The following SULF2 variants were observed in gnomAD, a reference collection of about 807,000 sequenced individuals.
SULF2 encodes sulfatase 2.
SULF2 carries 52 observed loss-of-function variants against 107.7 expected under a neutral mutation model. The observed-to-expected ratio is 0.48, with a 90% CI of 0.39 to 0.61. SULF2 has a LOEUF of 0.61. Ranked by LOEUF, SULF2 falls within the 20% of genes least tolerant of loss-of-function variation. The pLI, the probability that SULF2 is intolerant of heterozygous loss-of-function variation, is 0.00. For synonymous variants in SULF2, 460 were observed against 464.3 expected (o/e 0.99, Z 0.12); for missense variants, 993 against 1,177.3 (o/e 0.84, Z 2.29).
Position 47,735,879 on chromosome 20 carries a change from C to T in SULF2, c.415+824G>A, listed in dbSNP as rs117782688. On this transcript the variant is annotated intron_variant, in intron 3 of 20. Transcript: ENST00000688720. Reference sequence around the variant, plus strand: ...GGAGGAGGAGTCCATCCTTCCCTTGCGGCACTCCCACCCAAACAAACCCCT... The same window carrying T: ...GGAGGAGGAGTCCATCCTTCCCTTGTGGCACTCCCACCCAAACAAACCCCT... Among the ~76,000 whole-genome samples, 722 of 152,260 alleles carry T rather than the reference C, an allele frequency of 4.7e-3. 15 individuals carry two copies. The East Asian group carries it at 0.063, about 13-fold the overall frequency.
intron 3 of SULF2, among the ~76,000 whole-genome samples, chr20:47,704,722 C>T (rs1422433849): frequency 2.6e-5 from 4 of 152,190 alleles, no homozygotes; most frequent in Admixed American, 2.6e-4. Flanking sequence ...TTGCTGAGAG[C>T]ACAGAATATG....
At chr20:47,659,828 T>A in intron 18 of SULF2, 98 bp from the exon 19 acceptor site, 1 of 877,470 alleles carries the variant, frequency 1.1e-6, no homozygotes, top group Admixed American at 2.1e-5. Context: ...TTTGTCACAA[T>A]CCCATGATGC....
At chr20:47,756,866 G>A (rs532619043) in intron 2 of SULF2, among the ~76,000 whole-genome samples, 5 of 152,020 alleles carry the variant, frequency 3.3e-5, no homozygotes, top group African/African-American at 4.8e-5. Flanking sequence ...GGCTGGTCTC[G>A]AACCCCTGAC....
intron 3 of SULF2, among the ~76,000 whole-genome samples, chr20:47,721,141 C>T (rs1382586896): frequency 2.5e-5 from 1 of 40,484 alleles, no homozygotes; most frequent in Non-Finnish European, 7.0e-5. Flanking sequence ...AGTTCTTCTG[C>T]TTTTGAAAAA....
chr20:47,669,394 G>A (rs528490514), intron 11 of SULF2, among the ~76,000 whole-genome samples: 43 of 152,274 alleles, frequency 2.8e-4, no homozygotes, highest in African/African-American at 9.6e-4. Context: ...GGTGGGGGCC[G>A]TCCTGTGCGT....
rs761256280 is a variant in SULF2 at position 47,683,159 on chromosome 20, A to G, written c.899T>C (p.Met300Thr). The part of the protein sequence containing the change: ...VDDSMETIYN[M>T]LVETGELDNT... ...GTCCAGCTCGCCCGTCTCAACCAGC[A>G]TGTTGTAAATCTGCAACACGGGCGA... is the stretch of plus-strand genomic sequence containing the variant. The change falls in exon 7 of 21, where the codon ATG (methionine) becomes ACG (threonine). Residue 300 changes from methionine (M) to threonine (T), a missense_variant. By Grantham distance (81) the Met-to-Thr change is moderately conservative. Transcript: ENST00000688720. 46 of 1,599,460 alleles carry G rather than the reference A, an allele frequency of 2.9e-5. No homozygotes were observed. Among genetic ancestry groups the G allele is most frequent in the Non-Finnish European group, 3.8e-5 (45 of 1,168,848 alleles).
At position 47,659,738 on chromosome 20, in the gene SULF2, A is replaced by T. The variant is rs1289014095; in HGVS notation, c.2495-8T>A. ...TTCCTCCATCTTTAAGTCCTAAATG[A>T]AGGAGAAATGAAAAACAAAACAGGA... On this transcript the variant is annotated splice_region_variant and splice_polypyrimidine_tract_variant and intron_variant, in intron 18 of 20. Coordinates refer to ENST00000688720, the MANE Select transcript of SULF2 (RefSeq NM_001387048.1). 1 of 1,611,968 alleles carries T rather than the reference A, an allele frequency of 6.2e-7. No homozygotes were observed. Among genetic ancestry groups the T allele is most frequent in the Non-Finnish European group, 8.5e-7 (1 of 1,178,618 alleles).
intron 1 of SULF2, among the ~76,000 whole-genome samples, chr20:47,762,084 C>G (rs930161228): frequency 6.6e-6 from 1 of 152,216 alleles, no homozygotes; most frequent in Non-Finnish European, 1.5e-5. Context: ...AACAATGAGT[C>G]CATTAAATCT....
chr20:47,673,095 T>C (rs972719118), intron 10 of SULF2, among the ~76,000 whole-genome samples: 2 of 152,210 alleles, frequency 1.3e-5, no homozygotes, highest in African/African-American at 4.8e-5. Flanking sequence ...TCCAAATCTC[T>C]CGTGTTGATC....
At chr20:47,784,534 A>G (rs894540745) in intron 1 of SULF2, among the ~76,000 whole-genome samples, 4 of 150,414 alleles carry the variant, frequency 2.7e-5, no homozygotes, top group Non-Finnish European at 4.4e-5. Flanking sequence ...TTCCCTTTCC[A>G]TCTTCCACCC....
intron 2 of SULF2, among the ~76,000 whole-genome samples, chr20:47,746,997 AT>A (rs2090057626): frequency 1.8e-5 from 2 of 112,860 alleles, no homozygotes; most frequent in Non-Finnish European, 3.9e-5. Flanking sequence ...AAAAAAAAAT[AT>A]ATATATATAT....
At chr20:47,663,006 G>T in intron 17 of SULF2, 64 bp downstream of exon 17, 1 of 1,593,532 alleles carries the variant, frequency 6.3e-7, no homozygotes, top group Admixed American at 1.7e-5. Context: ...GAGGTTGGGG[G>T]GGGCCTACCT....
At chr20:47,778,755 T>C (rs1265859141) in intron 1 of SULF2, among the ~76,000 whole-genome samples, 1 of 152,188 alleles carries the variant, frequency 6.6e-6, no homozygotes, top group Non-Finnish European at 1.5e-5. Context: ...CTTCAGGAAC[T>C]TCTTGGAAAT....
chr20:47,723,298 G>A (rs1042044434), intron 3 of SULF2, among the ~76,000 whole-genome samples: 5 of 151,990 alleles, frequency 3.3e-5, no homozygotes, highest in South Asian at 2.1e-4. Context: ...TCAAGGGGGC[G>A]AGAAGTCCTA....
chr20:47,752,741 A>AC (rs2090186414), intron 2 of SULF2, among the ~76,000 whole-genome samples: 1 of 151,940 alleles, frequency 6.6e-6, no homozygotes. Flanking sequence ...ACAGAGCGAG[A>AC]CCCCGTCTCA....
chr20:47,705,981 T>C (rs187489060), intron 3 of SULF2, among the ~76,000 whole-genome samples: 2 of 152,074 alleles, frequency 1.3e-5, no homozygotes, highest in Non-Finnish European at 2.9e-5. Context: ...GTATTTTTAG[T>C]AGAGATGAGG....
intron 1 of SULF2, among the ~76,000 whole-genome samples, chr20:47,758,230 G>A (rs544220276): frequency 2.1e-5 from 3 of 139,674 alleles, no homozygotes; most frequent in South Asian, 2.2e-4. Flanking sequence ...GTGCAATGAC[G>A]CCATCTGGGC....
At chr20:47,676,299 G>C (rs2087637798) in intron 10 of SULF2, among the ~76,000 whole-genome samples, 195 bp downstream of exon 10, 1 of 152,352 alleles carries the variant, frequency 6.6e-6, no homozygotes, top group East Asian at 1.9e-4. Flanking sequence ...GGGTCCAAAG[G>C]CTGCTGAGAA....
chr20:47,659,646 T>C, intron 19 of SULF2, 51 bp downstream of exon 19: 3 of 1,531,198 alleles, frequency 2.0e-6, no homozygotes, highest in Non-Finnish European at 2.7e-6. Flanking sequence ...GACTGAAGGA[T>C]GGGCCAAGAT....
Sources: allele counts gnomAD v4.1 joint callset (sites outside exome capture counted in the v4.1 genomes callset), GRCh38; gene constraint gnomAD v4.1.1; transcripts MANE v1.5; gene names NCBI Gene and HGNC (gene_info 2026-07-23, HGNC 2026-07-21).